The following CTNNAL1 variants were observed in gnomAD, a reference collection of about 807,000 sequenced individuals.
CTNNAL1 encodes catenin alpha like 1.
CTNNAL1 carries 69 observed loss-of-function variants against 93.6 expected under a neutral mutation model. The observed-to-expected ratio is 0.74, with a 90% CI of 0.61 to 0.90. CTNNAL1 has a LOEUF of 0.90. Ranked by LOEUF, CTNNAL1 falls within the 40% of genes least tolerant of loss-of-function variation. CTNNAL1 has a pLI of 0.00. For missense variants in CTNNAL1, 836 were observed against 862.0 expected (o/e 0.97, Z 0.38); for synonymous variants, 286 against 305.4 (o/e 0.94, Z 0.66).
intron 7 of CTNNAL1, 130 bp downstream of exon 7, chr9:108,979,151 G>A (rs1831348108): frequency 8.7e-7 from 1 of 1,156,046 alleles, no homozygotes; most frequent in Admixed American, 2.6e-5. Context: ...AGGGAAAGAA[G>A]GGATGAGATA....
In CTNNAL1 at chr9:108,970,466, C is replaced by T. The variant is rs757341574; in HGVS notation, c.1376G>A (p.Gly459Glu). The T allele has an allele frequency of 6.2e-7, 1 of 1,611,806 alleles. No individual in the cohort carries two copies. The highest frequency in any genetic ancestry group is 8.5e-7 in the Non-Finnish European group (1 of 1,179,084). Residue 459 changes from glycine to glutamate, a missense_variant, in exon 10 of 19, where the codon GGG (glycine) becomes GAG (glutamate). Gly to Glu is a moderately conservative substitution (Grantham distance 98). Transcript: ENST00000325551. ...ETCRLLRHIS[G>E]TEPLEITCIH... ...ACAGGTTATTTCCAGAGGTTCTGTC[C>T]CAGATATGTGTCGTAACAATCGACA...
chr9:108,983,207 T>C lies in CTNNAL1; in HGVS notation c.838A>G (p.Lys280Glu), dbSNP rs781207114. ...GAAATGTCAGTCTCTCCATTCGGTT[T>C]ACAGTCAGTCACAATTTCAATGACC... ...DKVIEIVTDC[K>E]PNGETDISSI... is the part of the protein sequence containing the mutation. The change falls in exon 6 of 19, where the codon AAA (lysine) becomes GAA (glutamate). Residue 280 changes from lysine to glutamate, a missense_variant. Lys to Glu is a moderately conservative substitution (Grantham distance 56, BLOSUM62 1). Coordinates refer to ENST00000325551, the MANE Select transcript of CTNNAL1 (RefSeq NM_003798.4). The C allele has an allele frequency of 1.3e-6, 2 of 1,590,990 alleles. No individual in the cohort carries two copies. Among genetic ancestry groups the C allele is most frequent in the East Asian group, 2.3e-5 (1 of 43,338 alleles).
intron 4 of CTNNAL1, among the ~76,000 whole-genome samples, chr9:108,986,604 C>A (rs1169394974): frequency 6.6e-6 from 1 of 151,442 alleles, no homozygotes; most frequent in East Asian, 1.9e-4. Flanking sequence ...AATCGCCACA[C>A]TGACTTCCAC....
At chr9:109,007,508 C>T (rs987499139) in intron 1 of CTNNAL1, among the ~76,000 whole-genome samples, 1 of 152,134 alleles carries the variant, frequency 6.6e-6, no homozygotes. Context: ...GGGTGGAGTT[C>T]TGTGGCAGAT....
chr9:109,013,232 T>G, intron 1 of CTNNAL1, 70 bp downstream of exon 1: 1 of 1,401,874 alleles, frequency 7.1e-7, no homozygotes, highest in Non-Finnish European at 9.3e-7. Context: ...CGTCCGGTCG[T>G]GCGAGCGGCG....
intron 4 of CTNNAL1, among the ~76,000 whole-genome samples, chr9:108,985,245 C>T (rs961155490): frequency 2.7e-4 from 41 of 152,340 alleles, no homozygotes; most frequent in Non-Finnish European, 2.9e-4. Flanking sequence ...GTCTCCATCA[C>T]AGCTACTCAA....
chr9:108,945,463 C>CTTT (rs578073650), intron 15 of CTNNAL1, among the ~76,000 whole-genome samples: 3 of 135,506 alleles, frequency 2.2e-5, no homozygotes, highest in South Asian at 2.4e-4. Context: ...GGTTTTCTTC[C>CTTT]TTTTTTTTTT....
chr9:109,002,710 T>C (rs1239537603), intron 1 of CTNNAL1, among the ~76,000 whole-genome samples: 2 of 152,082 alleles, frequency 1.3e-5, no homozygotes, highest in Non-Finnish European at 2.9e-5. Context: ...ATGCCGTGCA[T>C]GGTGGCTTAC....
intron 10 of CTNNAL1, among the ~76,000 whole-genome samples, chr9:108,966,297 A>G (rs874863): frequency 0.12 from 17,608 of 152,228 alleles, 1,197 homozygotes; most frequent in South Asian, 0.32. Flanking sequence ...GGCTAAATAA[A>G]TGTGTTGAAT....
At chr9:108,982,546 AG>A (rs1187387433) in intron 6 of CTNNAL1, among the ~76,000 whole-genome samples, 3 of 152,244 alleles carry the variant, frequency 2.0e-5, no homozygotes, top group African/African-American at 4.8e-5. Flanking sequence ...AAAAACAGGA[AG>A]GGAACATTCT....
intron 4 of CTNNAL1, among the ~76,000 whole-genome samples, chr9:108,990,314 A>G (rs1390755974): frequency 6.6e-6 from 1 of 152,226 alleles, no homozygotes; most frequent in Admixed American, 6.5e-5. Context: ...GGCTTGGGTT[A>G]TTACTATTAA....
chr9:108,968,969 G>T (rs1831033461), intron 10 of CTNNAL1, among the ~76,000 whole-genome samples: 1 of 151,840 alleles, frequency 6.6e-6, no homozygotes, highest in South Asian at 2.1e-4. Flanking sequence ...TTAGAGCTTA[G>T]ACTCTAAGAA....
At chr9:108,953,417 G>A (rs1363980289) in intron 12 of CTNNAL1, among the ~76,000 whole-genome samples, 1 of 152,156 alleles carries the variant, frequency 6.6e-6, no homozygotes, top group Non-Finnish European at 1.5e-5. Flanking sequence ...TAGAGAAAAG[G>A]GGGCCAACTT....
At position 108,983,306 on chromosome 9, in the gene CTNNAL1, T is replaced by A. The variant is rs1377876637; in HGVS notation, c.739A>T (p.Arg247Trp). Residue 247 changes from arginine (R) to tryptophan (W), a missense_variant, in exon 6 of 19, where the codon AGG (arginine) becomes TGG (tryptophan). Coordinates refer to ENST00000325551, the MANE Select transcript of CTNNAL1 (RefSeq NM_003798.4). ...TGGGCTGATTCGCAGTTAGGATGCC[T>A]CAGACATGTCTTCAAAACAATTGAA... ...MLLTASKTCL[R>W]HPNCESAHKN... is the part of the protein sequence containing the mutation. 2.0e-6 allele frequency: 3 copies of A among 1,522,890 alleles called. No homozygotes were observed. The highest frequency in any genetic ancestry group is 2.6e-6 in the Non-Finnish European group (3 of 1,138,768). The allele number at this position is 1,522,890 out of a possible 1,614,324, so 94.3% of individuals were successfully genotyped here. A position where few individuals can be genotyped will look rare whatever the true frequency, so the allele number is the denominator to read the frequency against.
intron 8 of CTNNAL1, among the ~76,000 whole-genome samples, chr9:108,973,939 T>C (rs1831189290): frequency 6.6e-6 from 1 of 152,184 alleles, no homozygotes; most frequent in Non-Finnish European, 1.5e-5. Flanking sequence ...AAATTCACTT[T>C]CCGTGGAAAC....
intron 2 of CTNNAL1, among the ~76,000 whole-genome samples, chr9:108,997,373 T>C (rs780123348): frequency 2.0e-5 from 3 of 152,232 alleles, no homozygotes; most frequent in Non-Finnish European, 2.9e-5. Context: ...TCTCTCAGGC[T>C]GTCCTCATTC....
chr9:109,000,432 C>T (rs903007508), intron 1 of CTNNAL1, among the ~76,000 whole-genome samples: 3 of 152,108 alleles, frequency 2.0e-5, no homozygotes, highest in African/African-American at 7.2e-5. Flanking sequence ...GAAAGAAAAG[C>T]CCACGTTCCC....
intron 8 of CTNNAL1, among the ~76,000 whole-genome samples, chr9:108,973,048 G>C (rs1429205301): frequency 6.6e-6 from 1 of 152,194 alleles, no homozygotes; most frequent in Non-Finnish European, 1.5e-5. Flanking sequence ...GCACTGGTGA[G>C]CTTACAGTTT....
intron 14 of CTNNAL1, among the ~76,000 whole-genome samples, chr9:108,951,495 C>T (rs527635015): frequency 4.6e-5 from 7 of 152,186 alleles, no homozygotes; most frequent in Non-Finnish European, 8.8e-5. Flanking sequence ...AAGTATTTCC[C>T]AGGTTTCCAA....
Sources: gnomAD v4.1 joint callset for allele counts (sites outside exome capture counted in the v4.1 genomes callset) on GRCh38, gnomAD v4.1.1 for gene constraint, MANE v1.5 for transcripts, NCBI Gene and HGNC (gene_info 2026-07-23, HGNC 2026-07-21) for gene names.